ZDHHC2: variants seen among roughly 807,000 people sequenced by gnomAD.
ZDHHC2 encodes the protein zDHHC palmitoyltransferase 2, also known as palmitoyltransferase ZDHHC2.
In ZDHHC2, 51 loss-of-function variants were observed where a neutral mutation model predicts 55.6. The observed-to-expected ratio is 0.92, with a 90% CI of 0.73 to 1.16. The LOEUF (loss-of-function observed/expected upper bound fraction) is 1.16. ZDHHC2 is among the 50% of genes most tolerant of loss of function. ZDHHC2 has a pLI of 0.00. For synonymous variants in ZDHHC2, 199 were observed against 152.9 expected (o/e 1.30, Z -2.22); for missense variants, 491 against 442.4 (o/e 1.11, Z -0.99).
chr8:17,198,341 T>G (rs1172578223), intron 5 of ZDHHC2, 40 bp from the exon 6 acceptor site: 4 of 1,550,574 alleles, frequency 2.6e-6, no homozygotes, highest in Non-Finnish European at 3.5e-6. Context: ...GATTAAAATT[T>G]CATGGGGTAT....
rs1808024403 is a variant in ZDHHC2, at chr8:17,224,023, G to A, written c.*3802G>A. On this transcript the variant is annotated 3_prime_UTR_variant, in exon 13 of 13. Coordinates refer to ENST00000262096, the MANE Select transcript of ZDHHC2 (RefSeq NM_016353.5). Reference sequence around the variant, plus strand: ...GAGTGTTTCAGGAGACTCTGAAACAGGGCACCCATTTTTTTTTTCCTTCCT... The same window carrying A: ...GAGTGTTTCAGGAGACTCTGAAACAAGGCACCCATTTTTTTTTTCCTTCCT... 6.6e-6 allele frequency: 1 copy of A among 151,364 alleles called. No homozygotes were observed. Among genetic ancestry groups the A allele is most frequent in the African/African-American group, 2.4e-5 (1 of 41,146 alleles). The allele number at this position is 151,364 out of a possible 1,614,324, so 9.4% of individuals were successfully genotyped here. A position where few individuals can be genotyped will look rare whatever the true frequency, so the allele number is the denominator to read the frequency against.
intron 1 of ZDHHC2, among the ~76,000 whole-genome samples, chr8:17,177,423 A>G (rs1274246632): frequency 6.6e-6 from 1 of 152,352 alleles, no homozygotes; most frequent in African/African-American, 2.4e-5. Flanking sequence ...ATGTTAAAGC[A>G]TATTGTAAAG....
At chr8:17,186,483 T>C in intron 3 of ZDHHC2, 58 bp downstream of exon 3, 1 of 1,038,798 alleles carries the variant, frequency 9.6e-7, no homozygotes, top group Non-Finnish European at 1.3e-6. Flanking sequence ...TACTGATGTA[T>C]TATTGAAGAA....
At chr8:17,187,927 G>C (rs904915941) in intron 3 of ZDHHC2, among the ~76,000 whole-genome samples, 11 of 152,158 alleles carry the variant, frequency 7.2e-5, no homozygotes, top group Non-Finnish European at 1.5e-5. Context: ...CCCAGACTGT[G>C]AGTCATCTGT....
chr8:17,171,108 C>T (rs1005767573), intron 1 of ZDHHC2, among the ~76,000 whole-genome samples: 5 of 151,940 alleles, frequency 3.3e-5, no homozygotes, highest in Non-Finnish European at 5.9e-5. Flanking sequence ...CCTCTGTGGT[C>T]TTTCCTCAAG....
chr8:17,156,990 C>A, intron 1 of ZDHHC2, 137 bp downstream of exon 1: 1 of 817,250 alleles, frequency 1.2e-6, no homozygotes, highest in Non-Finnish European at 1.7e-6. Context: ...CCGCCGGCTC[C>A]GCCGCTAAAA....
chr8:17,170,736 A>G (rs1166725436), intron 1 of ZDHHC2, among the ~76,000 whole-genome samples: 1 of 152,224 alleles, frequency 6.6e-6, no homozygotes, highest in Non-Finnish European at 1.5e-5. Context: ...TATACCAGAT[A>G]ATAAGAAACT....
At chr8:17,206,274 G>A (rs1254379661) in intron 7 of ZDHHC2, among the ~76,000 whole-genome samples, 2 of 152,134 alleles carry the variant, frequency 1.3e-5, no homozygotes, top group Non-Finnish European at 2.9e-5. Context: ...CTTGATTCAG[G>A]CATGAGTTAT....
chr8:17,166,265 T>C (rs1804594603), intron 1 of ZDHHC2, among the ~76,000 whole-genome samples: 1 of 152,200 alleles, frequency 6.6e-6, no homozygotes, highest in Non-Finnish European at 1.5e-5. Context: ...GGTCAGATTC[T>C]GGACGTATTT....
intron 4 of ZDHHC2, among the ~76,000 whole-genome samples, chr8:17,196,942 A>G (rs953388387): frequency 2.0e-5 from 3 of 152,018 alleles, no homozygotes; most frequent in African/African-American, 7.2e-5. Flanking sequence ...TATATTACTT[A>G]TATTTGTTTC....
intron 1 of ZDHHC2, among the ~76,000 whole-genome samples, chr8:17,172,422 T>C (rs1265963214): frequency 6.6e-6 from 1 of 152,148 alleles, no homozygotes; most frequent in African/African-American, 2.4e-5. Context: ...TGCCAGGGGC[T>C]GAAGGGAGAA....
chr8:17,194,793 A>G (rs982943546), intron 3 of ZDHHC2, among the ~76,000 whole-genome samples: 7 of 152,218 alleles, frequency 4.6e-5, no homozygotes, highest in Middle Eastern at 3.4e-3. Context: ...TTTGATGTAC[A>G]TTTGAGTTGT....
chr8:17,198,914 C>T (rs1384406814), intron 6 of ZDHHC2, among the ~76,000 whole-genome samples: 2 of 152,166 alleles, frequency 1.3e-5, no homozygotes, highest in East Asian at 3.8e-4. Context: ...TTAATATTTG[C>T]TAATATTTCT....
intron 3 of ZDHHC2, among the ~76,000 whole-genome samples, chr8:17,192,602 T>C (rs1359249375): frequency 6.6e-6 from 1 of 152,214 alleles, no homozygotes; most frequent in Non-Finnish European, 1.5e-5. Flanking sequence ...TTGTTTCCTT[T>C]GCTGTGCAAA....
rs1197510758 is a variant in ZDHHC2, at chr8:17,223,950, A to G, written c.*3729A>G. Reference sequence around the variant, plus strand: ...AATCAAGTAGGCTTGTTTCAAAGAGACTCCTGTGAATCAACTATGAATATG... The same window carrying G: ...AATCAAGTAGGCTTGTTTCAAAGAGGCTCCTGTGAATCAACTATGAATATG... On this transcript the variant is annotated 3_prime_UTR_variant, in exon 13 of 13. Coordinates refer to ENST00000262096, the MANE Select transcript of ZDHHC2 (RefSeq NM_016353.5). The G allele has an allele frequency of 6.6e-6, 1 of 151,408 alleles. No individual in the cohort carries two copies. The highest frequency in any genetic ancestry group is 1.5e-5 in the Non-Finnish European group (1 of 67,652). 9.4% of individuals were successfully genotyped at this position (151,408 alleles called of 1,614,324 possible).
intron 12 of ZDHHC2, among the ~76,000 whole-genome samples, chr8:17,219,456 G>A (rs577232826): frequency 4.4e-4 from 67 of 151,556 alleles, no homozygotes; most frequent in South Asian, 1.3e-3. Context: ...CCTATCATAT[G>A]GTATAAATAA....
At chr8:17,180,684 A>G (rs1563148545) in intron 1 of ZDHHC2, among the ~76,000 whole-genome samples, 1 of 152,224 alleles carries the variant, frequency 6.6e-6, no homozygotes, top group Non-Finnish European at 1.5e-5. Flanking sequence ...TGCTGCAGCA[A>G]TCACCCTCAT....
intron 6 of ZDHHC2, among the ~76,000 whole-genome samples, chr8:17,199,619 T>TG (rs1563161736): frequency 4.0e-5 from 2 of 50,424 alleles, no homozygotes; most frequent in Non-Finnish European, 1.8e-4. Context: ...CTTCTTCTTC[T>TG]TCTTCCTTTC....
At chr8:17,169,599 G>T (rs961976796) in intron 1 of ZDHHC2, among the ~76,000 whole-genome samples, 3 of 152,172 alleles carry the variant, frequency 2.0e-5, no homozygotes, top group Admixed American at 6.5e-5. Flanking sequence ...GAATACATGT[G>T]AGTGCATGGT....
Sources: allele counts gnomAD v4.1 joint callset (sites outside exome capture counted in the v4.1 genomes callset), GRCh38; gene constraint gnomAD v4.1.1; transcripts MANE v1.5; gene names NCBI Gene and HGNC (gene_info 2026-07-23, HGNC 2026-07-21).